DOP1B: variants seen among roughly 807,000 people sequenced by gnomAD.
DOP1B encodes protein DOP1B.
In DOP1B, 174 loss-of-function variants were observed where a neutral mutation model predicts 233.5. The observed-to-expected ratio is 0.75, with a 90% CI of 0.66 to 0.85. The LOEUF (loss-of-function observed/expected upper bound fraction) is 0.85, where lower values mean the gene tolerates loss of function less well. Ranked by LOEUF, DOP1B falls within the 40% of genes least tolerant of loss-of-function variation. The pLI, the probability that DOP1B is intolerant of heterozygous loss-of-function variation, is 0.00. For missense variants in DOP1B, 2,652 were observed against 2,846.6 expected (o/e 0.93, Z 1.56); for synonymous variants, 1,190 against 1,185.6 (o/e 1.00, Z -0.08).
At chr21:36,218,851 A>G (rs1031620794) in intron 9 of DOP1B, among the ~76,000 whole-genome samples, 5 of 152,174 alleles carry the variant, frequency 3.3e-5, no homozygotes, top group African/African-American at 9.7e-5. Flanking sequence ...CATCTTTCTC[A>G]GCGTTTCAGG....
At chr21:36,275,363 A>C (rs1333273515) in intron 27 of DOP1B, among the ~76,000 whole-genome samples, 2 of 152,078 alleles carry the variant, frequency 1.3e-5, no homozygotes, top group Non-Finnish European at 2.9e-5. Context: ...ACAGTGGCTC[A>C]CGCCTGTAAT....
chr21:36,288,954 A>G, intron 34 of DOP1B, 91 bp from the exon 35 acceptor site: 5 of 1,537,680 alleles, frequency 3.3e-6, no homozygotes, highest in Non-Finnish European at 4.4e-6. Context: ...ATTTCTTAAA[A>G]AGAAAATTCT....
At chr21:36,228,664 G>A (rs2080082163) in intron 13 of DOP1B, among the ~76,000 whole-genome samples, 1 of 151,938 alleles carries the variant, frequency 6.6e-6, no homozygotes. Flanking sequence ...TACTCAGGAG[G>A]CTGAGGCAGG....
chr21:36,234,314 T>G (rs1052917975), intron 15 of DOP1B, among the ~76,000 whole-genome samples: 2 of 151,948 alleles, frequency 1.3e-5, no homozygotes, highest in African/African-American at 4.8e-5. Context: ...GATCAGAAAA[T>G]TTGGCATATT....
chr21:36,242,761 T>C (rs944064968), intron 18 of DOP1B, among the ~76,000 whole-genome samples: 16 of 152,200 alleles, frequency 1.1e-4, no homozygotes, highest in African/African-American at 3.6e-4. Context: ...ATGATAAGTG[T>C]CCTGCTTACC....
intron 2 of DOP1B, among the ~76,000 whole-genome samples, chr21:36,171,083 C>T (rs999280445): frequency 6.6e-6 from 1 of 152,172 alleles, no homozygotes; most frequent in Non-Finnish European, 1.5e-5. Flanking sequence ...TCTTGAGATC[C>T]GTCTCAGGTT....
chr21:36,181,692 A>G (rs947590542), intron 2 of DOP1B, among the ~76,000 whole-genome samples: 1 of 152,196 alleles, frequency 6.6e-6, no homozygotes, highest in African/African-American at 2.4e-5. Context: ...GGTTTTAACC[A>G]GCCAGGTCCT....
chr21:36,244,098 C>T (rs568542995), intron 18 of DOP1B, among the ~76,000 whole-genome samples: 1 of 135,794 alleles, frequency 7.4e-6, no homozygotes, highest in South Asian at 2.4e-4. Context: ...ATGATTTCAG[C>T]TCACTGCAAC....
chr21:36,232,789 C>G lies in DOP1B; in HGVS notation c.2351-15C>G. 6.2e-7 allele frequency: 1 copy of G among 1,611,788 alleles called. No homozygotes were observed. Among genetic ancestry groups the G allele is most frequent in the Non-Finnish European group, 8.5e-7 (1 of 1,179,674 alleles). On this transcript the variant is annotated splice_polypyrimidine_tract_variant and intron_variant, in intron 14 of 36. Transcript: ENST00000691173. Reference sequence around the variant, plus strand: ...GTTCTGCTTGTTTCTGCCTCTCCGGCTGGCTTCCTTTCAGGAGCCGGTGAT... The same window carrying G: ...GTTCTGCTTGTTTCTGCCTCTCCGGGTGGCTTCCTTTCAGGAGCCGGTGAT...
At chr21:36,289,289 TAC>T (rs2067527973) in intron 35 of DOP1B, 83 bp downstream of exon 35, 4 of 1,427,584 alleles carry the variant, frequency 2.8e-6, no homozygotes, top group African/African-American at 2.9e-5. Context: ...GTTTTTCATG[TAC>T]AGTTTATGGG....
chr21:36,225,381 C>T (rs1198485473), intron 11 of DOP1B, among the ~76,000 whole-genome samples, 184 bp from the exon 12 acceptor site: 3 of 152,174 alleles, frequency 2.0e-5, no homozygotes, highest in African/African-American at 7.2e-5. Flanking sequence ...AGGCGTGGGC[C>T]ACCACACCTG....
intron 14 of DOP1B, among the ~76,000 whole-genome samples, chr21:36,232,522 A>G (rs776051538): frequency 2.0e-5 from 3 of 152,142 alleles, no homozygotes; most frequent in Non-Finnish European, 4.4e-5. Flanking sequence ...TTGTCTTCAC[A>G]GGGTGTCCTC....
intron 2 of DOP1B, among the ~76,000 whole-genome samples, chr21:36,167,929 CTTTTCTTTTTCTT>C (rs542006930): frequency 0.1 from 9,682 of 97,108 alleles, 574 homozygotes; most frequent in Non-Finnish European, 0.15. Flanking sequence ...CTTTTCTTTT[CTTTTCTTTTTCTT>C]TTTTTTTTTT....
chr21:36,291,389 T>C (rs879505740), intron 35 of DOP1B, among the ~76,000 whole-genome samples: 38 of 151,828 alleles, frequency 2.5e-4, no homozygotes, highest in Non-Finnish European at 4.9e-4. Context: ...TGAAACCCCG[T>C]CTCTACTAAA....
At chr21:36,232,739 C>G in intron 14 of DOP1B, 65 bp from the exon 15 acceptor site, 1 of 1,594,566 alleles carries the variant, frequency 6.3e-7, no homozygotes. Flanking sequence ...GTAGAATCTG[C>G]AGACTGGGGA....
rs1310115386 is a variant in DOP1B, at chr21:36,233,049, A to G, written c.2596A>G (p.Ile866Val). 6.2e-7 allele frequency: 1 copy of G among 1,614,050 alleles called. No individual in the cohort carries two copies. Among genetic ancestry groups the G allele is most frequent in the Non-Finnish European group, 8.5e-7 (1 of 1,179,966 alleles). ...PPIAPGILKV[I>V]AEKTDFYQRV... ...CATTGCTCCAGGGATATTGAAAGTC[A>G]TTGCAGAGAAAACAGATTTCTATCA... Residue 866 changes from isoleucine (I) to valine (V), a missense_variant, in exon 15 of 37, where the codon ATT (isoleucine) becomes GTT (valine). Ile to Val is a conservative substitution (Grantham distance 29). This residue lies in a region of DOP1B where 2,617 missense variants were observed against 2,794.3 expected (regional missense o/e 0.94). Transcript: ENST00000691173.
At chr21:36,202,725 A>G (rs181508785) in intron 4 of DOP1B, among the ~76,000 whole-genome samples, 150 of 152,324 alleles carry the variant, frequency 9.8e-4, no homozygotes, top group Non-Finnish European at 1.4e-3. Flanking sequence ...CCACCTTTAC[A>G]GTTTCTACCT....
rs954807306 is a variant in DOP1B, at chr21:36,245,715, G to A, written c.3735G>A (p.Ser1245=). 36 of 1,613,568 alleles carry A rather than the reference G, an allele frequency of 2.2e-5. 1 individual carries two copies. The highest frequency in any genetic ancestry group is 3.3e-4 in the Middle Eastern group (2 of 6,084). Residue 1245 remains serine, a synonymous_variant, in exon 19 of 37, where the codon TCG becomes TCA. Coordinates refer to ENST00000691173, the MANE Select transcript of DOP1B (RefSeq NM_001320714.2). The surrounding 1 kb of genome is among the most constrained non-coding windows in gnomAD (Gnocchi z 5.5). ...YDSRRVLYAF[S]VLEAVLKTNP... is the part of the protein sequence containing the mutation. ...CTCGGCGGGTCCTCTATGCCTTCTC[G>A]GTGCTGGAGGCTGTGCTCAAAACCA...
intron 26 of DOP1B, 111 bp from the exon 27 acceptor site, chr21:36,269,902 A>C: frequency 8.9e-7 from 1 of 1,122,528 alleles, no homozygotes; most frequent in South Asian, 1.4e-5. Flanking sequence ...TGGTACGTAT[A>C]TGCTCACAGC....
Sources: gnomAD v4.1 joint callset for allele counts (sites outside exome capture counted in the v4.1 genomes callset) on GRCh38, gnomAD v4.1.1 for gene constraint, gnomAD v4.1.1 regional missense constraint, Gnocchi (gnomAD v3.1) non-coding constraint, MANE v1.5 for transcripts, NCBI Gene and HGNC (gene_info 2026-07-23, HGNC 2026-07-21) for gene names.